Variants in MDN1 observed in about 807,000 individuals in gnomAD.
MDN1 encodes midasin.
MDN1 carries 266 observed loss-of-function variants against 669.2 expected under a neutral mutation model. That is an observed-to-expected ratio of 0.40 (90% confidence interval 0.36 to 0.44). MDN1 has a LOEUF of 0.44. Among genes scored for constraint, MDN1 ranks in the 20% least tolerant of loss-of-function variants. The pLI is 1.00. For synonymous variants in MDN1, 2,385 were observed against 2,457.1 expected (o/e 0.97, Z 0.87); for missense variants, 5,940 against 6,754.0 (o/e 0.88, Z 4.22).
intron 23 of MDN1, 131 bp from the exon 24 acceptor site, chr6:89,750,663 T>C: frequency 2.2e-6 from 2 of 893,654 alleles, no homozygotes; most frequent in Non-Finnish European, 3.4e-6. Flanking sequence ...AGTATGGTGG[T>C]GCAATCATAG....
intron 94 of MDN1, 105 bp downstream of exon 94, chr6:89,652,887 G>T: frequency 8.2e-7 from 1 of 1,215,258 alleles, no homozygotes. Flanking sequence ...TCAACAACCA[G>T]ATGTTCCATA....
At chr6:89,761,957 A>T (rs368451797) in intron 16 of MDN1, among the ~76,000 whole-genome samples, 1 of 152,256 alleles carries the variant, frequency 6.6e-6, no homozygotes, top group African/African-American at 2.4e-5. Flanking sequence ...TGCCTCATTT[A>T]TCCCTCACAA....
chr6:89,800,315 TA>T (rs1767552994), intron 2 of MDN1, among the ~76,000 whole-genome samples: 1 of 151,880 alleles, frequency 6.6e-6, no homozygotes, highest in Non-Finnish European at 1.5e-5. Flanking sequence ...TAATCCCAGC[TA>T]TTCAGGAGGC....
rs770485403 is a variant in MDN1 at position 89,743,269 on chromosome 6, G to A, written c.4329C>T (p.Asp1443=). 2 of 1,613,944 alleles carry A rather than the reference G, an allele frequency of 1.2e-6. No individual in the cohort carries two copies. Among genetic ancestry groups the A allele is most frequent in the Non-Finnish European group, 8.5e-7 (1 of 1,179,964 alleles). ...RQKPNDKEEI[D]TSRLFEWHDG... ...CATGCCACTCAAAGAGTCTTGATGTGTCAATTTCTTCCTATAATTTGAAAA... is the reference window on the plus strand; with the variant it reads ...CATGCCACTCAAAGAGTCTTGATGTATCAATTTCTTCCTATAATTTGAAAA... The change falls in exon 31 of 102, where the codon GAC becomes GAT. Residue 1443 remains aspartate, a synonymous_variant. Transcript: ENST00000369393.
Position 89,761,730 on chromosome 6 carries a change from T to C in MDN1, c.2375A>G (p.Lys792Arg), listed in dbSNP as rs761791580. ...GAGTCTAAGACCAAATGCTTCCCAT[T>C]TCTCTTTTATGAGTAACCCTAAAAA... ...DSETGLLIKE[K>R]WEAFGLRLNH... The change falls in exon 17 of 102, where the codon AAA (lysine) becomes AGA (arginine). Residue 792 changes from lysine to arginine, a missense_variant. Lys to Arg is a conservative substitution (Grantham distance 26). Coordinates refer to ENST00000369393, the MANE Select transcript of MDN1 (RefSeq NM_014611.3). The C allele has an allele frequency of 1.2e-6, 2 of 1,609,108 alleles. No individual in the cohort carries two copies. The highest frequency in any genetic ancestry group is 3.4e-5 in the Admixed American group (2 of 59,458).
At chr6:89,748,495 T>C (rs903680257) in intron 26 of MDN1, among the ~76,000 whole-genome samples, 1 of 152,176 alleles carries the variant, frequency 6.6e-6, no homozygotes, top group African/African-American at 2.4e-5. Context: ...ATAAATGGAA[T>C]TTTTAAAGAT....
At chr6:89,663,941 TAAA>T (rs10716065) in intron 85 of MDN1, among the ~76,000 whole-genome samples, 12 of 140,882 alleles carry the variant, frequency 8.5e-5, no homozygotes, top group Admixed American at 1.4e-4. Context: ...GACTCCGTCT[TAAA>T]AAAAAAAAAA....
Position 89,723,561 on chromosome 6 carries a change from G to A in MDN1, c.5729C>T (p.Pro1910Leu). 1.9e-6 allele frequency: 3 copies of A among 1,604,442 alleles called. No homozygotes were observed. The highest frequency in any genetic ancestry group is 2.6e-6 in the Non-Finnish European group (3 of 1,173,988). The change falls in exon 39 of 102, where the codon CCA (proline) becomes CTA (leucine). Residue 1910 changes from proline (P) to leucine (L), a missense_variant. Physicochemically the swap from Pro to Leu is moderately conservative, Grantham distance 98 (BLOSUM62 -3). Coordinates refer to ENST00000369393, the MANE Select transcript of MDN1 (RefSeq NM_014611.3). ...CTTAACAATATTTTTCTCAATGGCT[G>A]GAAACAAAGTACTGGCAATGAACTC... ...DMEFIASTLF[P>L]AIEKNIVKKM...
At chr6:89,732,486 C>G in intron 34 of MDN1, 71 bp downstream of exon 34, 1 of 1,324,062 alleles carries the variant, frequency 7.6e-7, no homozygotes, top group African/African-American at 1.5e-5. Flanking sequence ...GGGTCAGAGG[C>G]CTGGGCTTGC....
intron 11 of MDN1, 124 bp downstream of exon 11, chr6:89,780,088 A>G (rs1373503294): frequency 8.8e-6 from 5 of 568,562 alleles, no homozygotes; most frequent in Non-Finnish European, 1.5e-5. Flanking sequence ...AAACAAAAAA[A>G]GAATAACAAA....
In MDN1 at chr6:89,698,877, G is replaced by C; in HGVS notation, c.9156C>G (p.Asp3052Glu). 6.2e-7 allele frequency: 1 copy of C among 1,614,008 alleles called. No individual in the cohort carries two copies. Among genetic ancestry groups the C allele is most frequent in the Non-Finnish European group, 8.5e-7 (1 of 1,179,980 alleles). ...QQREAPKSVLDSTLKGPGNLN... is the reference protein window; with the variant it reads ...QQREAPKSVLESTLKGPGNLN... ...TAGACCAACAAACCTTCAATGTGGA[G>C]TCCAAAACAGACTTGGGTGCCTCCC... The change falls in exon 59 of 102, where the codon GAC becomes GAG. Residue 3052 changes from aspartate to glutamate, a missense_variant. Asp to Glu is a conservative substitution (Grantham distance 45, BLOSUM62 2). Around this residue, in one of 5 missense-constraint regions of MDN1, gnomAD observed 2,292 missense variants for 2,638.3 expected, o/e 0.87. Transcript: ENST00000369393.
At chr6:89,813,949 C>T (rs1212303159) in intron 1 of MDN1, among the ~76,000 whole-genome samples, 1 of 151,038 alleles carries the variant, frequency 6.6e-6, no homozygotes, top group East Asian at 1.9e-4. Context: ...AAAAATTAGC[C>T]AGACGCGGTG....
rs1809330887 is a variant in MDN1 at position 89,656,690 on chromosome 6, T to A, written c.15285+10A>T. 2 of 1,589,924 alleles carry A rather than the reference T, an allele frequency of 1.3e-6. No individual in the cohort carries two copies. The highest frequency in any genetic ancestry group is 4.6e-5 in the East Asian group (2 of 43,770). Reference sequence around the variant, plus strand: ...CCTTCACCTAAGTTTAGCTGAGGAGTGATAGAAACCTGTGTGTTTTTCCTG... The same window carrying A: ...CCTTCACCTAAGTTTAGCTGAGGAGAGATAGAAACCTGTGTGTTTTTCCTG... On this transcript the variant is annotated intron_variant, in intron 91 of 101. Coordinates refer to ENST00000369393, the MANE Select transcript of MDN1 (RefSeq NM_014611.3).
chr6:89,664,890 T>C (rs1189059588), intron 84 of MDN1, among the ~76,000 whole-genome samples: 2 of 152,186 alleles, frequency 1.3e-5, no homozygotes, highest in African/African-American at 4.8e-5. Flanking sequence ...AGAATATATA[T>C]TCTTTGTAGG....
At chr6:89,672,462 T>C in intron 81 of MDN1, 85 bp downstream of exon 81, 1 of 1,594,256 alleles carries the variant, frequency 6.3e-7, no homozygotes, top group Non-Finnish European at 8.5e-7. Flanking sequence ...ACATCCATCC[T>C]TAACTATTTA....
chr6:89,648,432 GT>G, intron 97 of MDN1, 103 bp from the exon 98 acceptor site: 1 of 1,095,674 alleles, frequency 9.1e-7, no homozygotes, highest in South Asian at 1.3e-5. Flanking sequence ...ACATTTTTTT[GT>G]TTGGCAAGTA....
intron 74 of MDN1, among the ~76,000 whole-genome samples, chr6:89,679,586 C>G (rs538981401): frequency 1.4e-4 from 22 of 152,264 alleles, no homozygotes; most frequent in African/African-American, 5.1e-4. Flanking sequence ...AAGAAGAGAT[C>G]AGGACACAGA....
intron 1 of MDN1, among the ~76,000 whole-genome samples, chr6:89,808,682 C>T (rs978127015): frequency 2.2e-4 from 33 of 152,126 alleles, no homozygotes; most frequent in African/African-American, 7.2e-4. Flanking sequence ...GTCTTCTCAG[C>T]TCAGTAGGAC....
rs376800909 is a variant in MDN1 at position 89,712,244 on chromosome 6, A to G, written c.7443T>C (p.Phe2481=). ...KTSSWTRSQP[F]TLQDLEKIMQ... is the part of the protein sequence containing the mutation. ...TAATTTTCTCTAAGTCTTGCAAGGT[A>G]AAAGGCTGACTCCTGAAATTCATTT... The change falls in exon 49 of 102, where the codon TTT becomes TTC. Residue 2481 remains phenylalanine (F), a synonymous_variant. Transcript: ENST00000369393. 77 of 1,613,576 alleles carry G rather than the reference A, an allele frequency of 4.8e-5. No homozygotes were observed. The highest frequency in any genetic ancestry group is 3.3e-4 in the African/African-American group (25 of 75,016).
Sources: gnomAD v4.1 joint callset for allele counts (sites outside exome capture counted in the v4.1 genomes callset) on GRCh38, gnomAD v4.1.1 for gene constraint, gnomAD v4.1.1 regional missense constraint, MANE v1.5 for transcripts, NCBI Gene and HGNC (gene_info 2026-07-23, HGNC 2026-07-21) for gene names.